Variants in RPH3A observed in about 807,000 individuals in gnomAD.
RPH3A encodes rabphilin-3A.
A neutral mutation model predicts 102.2 loss-of-function variants in RPH3A; 48 were observed. The observed-to-expected ratio is 0.47, with a 90% confidence interval of 0.37 to 0.60. RPH3A has a LOEUF of 0.60. Among genes scored for constraint, RPH3A ranks in the 20% least tolerant of loss-of-function variants. The pLI is 0.00. For synonymous variants in RPH3A, 310 were observed against 324.3 expected (o/e 0.96, Z 0.47); for missense variants, 781 against 910.1 (o/e 0.86, Z 1.83).
intron 4 of RPH3A, among the ~76,000 whole-genome samples, chr12:112,837,421 T>A (rs944868216): frequency 1.3e-5 from 2 of 151,834 alleles, no homozygotes; most frequent in Non-Finnish European, 2.9e-5. Flanking sequence ...CTTGCACAAC[T>A]TTTTCAGCTT....
At chr12:112,722,511 A>G (rs2040558320) in intron 1 of RPH3A, among the ~76,000 whole-genome samples, 1 of 152,200 alleles carries the variant, frequency 6.6e-6, no homozygotes, top group South Asian at 2.1e-4. Flanking sequence ...ATGGACTCCT[A>G]TGTTGTTGGT....
At chr12:112,849,092 C>T (rs2042279418) in intron 5 of RPH3A, among the ~76,000 whole-genome samples, 1 of 152,188 alleles carries the variant, frequency 6.6e-6, no homozygotes, top group Non-Finnish European at 1.5e-5. Context: ...CCACTGATTC[C>T]CTACCCAGAC....
chr12:112,729,329 A>T (rs7313341), intron 1 of RPH3A, among the ~76,000 whole-genome samples: 93,223 of 151,730 alleles, frequency 0.61, 28,982 homozygotes, highest in East Asian at 0.78. Context: ...TCTACAGGTA[A>T]GTGTGTCATC....
At chr12:112,827,799 A>G (rs1419148046) in intron 2 of RPH3A, among the ~76,000 whole-genome samples, 1 of 152,078 alleles carries the variant, frequency 6.6e-6, no homozygotes. Context: ...CCTAATGTAG[A>G]TGATGGGTTG....
At chr12:112,788,548 T>G (rs1490646394), upstream of RPH3A, among the ~76,000 whole-genome samples, 1 of 152,238 alleles carries the variant, frequency 6.6e-6, no homozygotes, top group Non-Finnish European at 1.5e-5. Context: ...GCTTCTTGTC[T>G]GCAAATGGGG....
chr12:112,633,041 A>AG (rs1391108033), intron 1 of RPH3A, among the ~76,000 whole-genome samples: 4 of 151,806 alleles, frequency 2.6e-5, no homozygotes, highest in Non-Finnish European at 4.4e-5. Flanking sequence ...AAAAAAAAAA[A>AG]GTTAGCTGGG....
intron 2 of RPH3A, among the ~76,000 whole-genome samples, chr12:112,807,003 T>G (rs546914772): frequency 4.6e-5 from 7 of 151,638 alleles, no homozygotes; most frequent in Non-Finnish European, 1.0e-4. Context: ...GTGGGAGCAA[T>G]ATGTACAAAG....
chr12:112,841,936 A>G (rs960018442), intron 4 of RPH3A: 1 of 455,886 alleles, frequency 2.2e-6, no homozygotes, highest in South Asian at 1.5e-5. Context: ...CTCTCTCCTG[A>G]ATAGCTAAAT....
At chr12:112,831,954 G>T in intron 3 of RPH3A, 2 of 243,690 alleles carry the variant, frequency 8.2e-6, no homozygotes, top group African/African-American at 2.4e-5. Context: ...TGAAACAGTG[G>T]ATTCATGTTT....
intron 1 of RPH3A, among the ~76,000 whole-genome samples, chr12:112,659,214 C>A (rs781320807): frequency 3.3e-5 from 5 of 152,146 alleles, no homozygotes; most frequent in Admixed American, 6.5e-5. Flanking sequence ...AAGAAATGAA[C>A]GTGAATGCAT....
intron 1 of RPH3A, among the ~76,000 whole-genome samples, chr12:112,639,351 A>G (rs577014581): frequency 6.6e-6 from 1 of 152,324 alleles, no homozygotes; most frequent in African/African-American, 2.4e-5. Context: ...TTTGCAGGCT[A>G]TGGATGGAGC....
intron 1 of RPH3A, among the ~76,000 whole-genome samples, chr12:112,751,013 GA>G (rs1378701025): frequency 6.6e-6 from 1 of 152,116 alleles, no homozygotes; most frequent in East Asian, 1.9e-4. Context: ...AGAAGCCAGG[GA>G]AAAGGAAAAA....
intron 15 of RPH3A, 105 bp from the exon 16 acceptor site, chr12:112,883,188 T>C (rs2042947228): frequency 1.3e-6 from 1 of 778,726 alleles, no homozygotes; most frequent in Non-Finnish European, 2.2e-6. Context: ...TGGACACTCC[T>C]ATGGGGAAAG....
chr12:112,627,779 C>T (rs1297235070), intron 1 of RPH3A, among the ~76,000 whole-genome samples: 1 of 152,036 alleles, frequency 6.6e-6, no homozygotes, highest in Admixed American at 6.6e-5. Flanking sequence ...GAAGCCTTCC[C>T]TAACAAGGCA....
In RPH3A at chr12:112,688,803, C is replaced by G. The variant is rs536178028; in HGVS notation, c.-139-103340C>G. Among the ~76,000 whole-genome samples the G allele has an allele frequency of 5.3e-5, 8 of 152,322 alleles. No homozygotes were observed. The South Asian group carries it at 1.7e-3, about 32-fold the overall frequency. ...TTCCAGCCATTCTTTAAAATCAGCA[C>G]AACTCTTATCTCTCCATCTTTTCTT... On this transcript the variant is annotated intron_variant, in intron 1 of 21. Transcript: ENST00000543106.
Position 112,809,501 on chromosome 12 carries a change from T to C in RPH3A, c.-19+17238T>C, listed in dbSNP as rs1476755980. Among the ~76,000 whole-genome samples the C allele has an allele frequency of 2.0e-5, 3 of 152,166 alleles. No homozygotes were observed. The East Asian group carries it at 5.8e-4, about 29-fold the overall frequency. ...GAAATAGGTATAAATTCAAACCTTA[T>C]GGGCTGTCGTTGGCAATGAGGACTT... On this transcript the variant is annotated intron_variant, in intron 2 of 21. Transcript: ENST00000389385.
chr12:112,826,155 G>C (rs1012308306), intron 2 of RPH3A, among the ~76,000 whole-genome samples: 1 of 152,136 alleles, frequency 6.6e-6, no homozygotes. Flanking sequence ...CTTGGACGAG[G>C]TGCATTTAGG....
intron 1 of RPH3A, among the ~76,000 whole-genome samples, chr12:112,599,382 A>G (rs2039540691): frequency 6.6e-6 from 1 of 152,202 alleles, no homozygotes; most frequent in African/African-American, 2.4e-5. Flanking sequence ...ATGCCTATAC[A>G]ATGCAACATT....
chr12:112,752,236 TA>T (rs1592980120), intron 1 of RPH3A, among the ~76,000 whole-genome samples: 1 of 152,182 alleles, frequency 6.6e-6, no homozygotes, highest in African/African-American at 2.4e-5. Context: ...TTTCTAAATG[TA>T]AGATTCGTTT....
Sources: gnomAD v4.1 joint callset for allele counts (sites outside exome capture counted in the v4.1 genomes callset) on GRCh38, gnomAD v4.1.1 for gene constraint, MANE v1.5 for transcripts, NCBI Gene and HGNC (gene_info 2026-07-23, HGNC 2026-07-21) for gene names.